Variants in RBFOX3 observed in about 807,000 individuals in gnomAD.
RBFOX3 encodes the protein RNA binding fox-1 homolog 3, also known as RNA binding protein fox-1 homolog 3.
Under a neutral mutation model 48.7 loss-of-function variants are expected in RBFOX3, and 17 were observed. That is an observed-to-expected ratio of 0.35 (90% CI 0.24 to 0.52). The LOEUF (loss-of-function observed/expected upper bound fraction) is 0.52, where lower values mean the gene tolerates loss of function less well. RBFOX3 is among the 20% of genes least tolerant of loss of function. RBFOX3 has a pLI of 0.94. For missense variants in RBFOX3, 382 were observed against 497.5 expected (o/e 0.77, Z 2.21); for synonymous variants, 212 against 209.5 (o/e 1.01, Z -0.10).
intron 1 of RBFOX3, among the ~76,000 whole-genome samples, chr17:79,592,674 G>C (rs2093456505): frequency 6.6e-6 from 1 of 152,058 alleles, no homozygotes; most frequent in African/African-American, 2.4e-5. Context: ...GCCCAGGACT[G>C]CGGGCTCAGG....
intron 4 of RBFOX3, among the ~76,000 whole-genome samples, chr17:79,151,117 C>A (rs979283158): frequency 1.3e-5 from 2 of 152,114 alleles, no homozygotes; most frequent in East Asian, 1.9e-4. Context: ...CAGCTCTTGG[C>A]GCAGATTCTG....
At chr17:79,239,134 C>T (rs556273444) in intron 3 of RBFOX3, among the ~76,000 whole-genome samples, 6 of 152,292 alleles carry the variant, frequency 3.9e-5, no homozygotes, top group African/African-American at 1.4e-4. Context: ...GATGGTGCCT[C>T]GCTTCGTGTT....
At chr17:79,380,271 G>T (rs995029164) in intron 2 of RBFOX3, among the ~76,000 whole-genome samples, 1 of 152,224 alleles carries the variant, frequency 6.6e-6, no homozygotes, top group Non-Finnish European at 1.5e-5. Flanking sequence ...TTAATTGCAT[G>T]TCAAAATTAA....
At chr17:79,632,736 T>G in the RBFOX3 span, among the ~76,000 whole-genome samples, 2 of 110,342 alleles carry the variant, frequency 1.8e-5, no homozygotes, top group East Asian at 2.6e-4. Context: ...AGACCACGTA[T>G]CTACTAAAAA....
Position 79,139,529 on chromosome 17 carries a change from C to T in RBFOX3, c.-33-23781G>A, listed in dbSNP as rs2125962. On this transcript the variant is annotated intron_variant, in intron 4 of 14. Transcript: ENST00000693108. ...AAAGCATTCATCTTCTCCTGCTGAC[C>T]GGGATGTGGGCTCCTTCCCCGTGAG... Among the ~76,000 whole-genome samples, 4,627 of 152,314 alleles carry T rather than the reference C, an allele frequency of 0.03. 422 individuals carry two copies. The East Asian group carries it at 0.36, about 12-fold the overall frequency.
At chr17:79,570,880 T>TA (rs1177718567) in intron 1 of RBFOX3, among the ~76,000 whole-genome samples, 6 of 152,172 alleles carry the variant, frequency 3.9e-5, no homozygotes, top group African/African-American at 7.2e-5. Context: ...GGGTTGCTTT[T>TA]AAAAAATAGA....
At chr17:79,209,946 G>A (rs1196188116) in intron 4 of RBFOX3, among the ~76,000 whole-genome samples, 5 of 146,388 alleles carry the variant, frequency 3.4e-5, no homozygotes, top group Admixed American at 2.8e-4. Flanking sequence ...GCAGTGAGCC[G>A]AGATCACGCC....
chr17:79,216,342 G>C (rs191273870), intron 4 of RBFOX3, among the ~76,000 whole-genome samples: 1 of 152,230 alleles, frequency 6.6e-6, no homozygotes, highest in Non-Finnish European at 1.5e-5. Flanking sequence ...CCCACCTGAC[G>C]GAAGAAGGTG....
the RBFOX3 span, among the ~76,000 whole-genome samples, chr17:79,643,929 T>C: frequency 7.9e-5 from 12 of 151,830 alleles, no homozygotes; most frequent in Non-Finnish European, 1.5e-4. Context: ...TAGCAGAAAT[T>C]GAGTAAATGG....
intron 2 of RBFOX3, among the ~76,000 whole-genome samples, chr17:79,353,245 C>G (rs1024146431): frequency 6.6e-6 from 1 of 152,200 alleles, no homozygotes; most frequent in Non-Finnish European, 1.5e-5. Context: ...TGAGTCCCTG[C>G]TGAAGTCTCC....
chr17:79,301,861 C>A (rs1231419570), intron 3 of RBFOX3, among the ~76,000 whole-genome samples: 1 of 152,174 alleles, frequency 6.6e-6, no homozygotes, highest in African/African-American at 2.4e-5. Context: ...CTCAAAGGGA[C>A]AAATACTGTG....
chr17:79,337,145 T>C (rs891115292), intron 2 of RBFOX3, among the ~76,000 whole-genome samples: 3 of 152,012 alleles, frequency 2.0e-5, no homozygotes, highest in African/African-American at 7.2e-5. Context: ...AGTGCTCTTA[T>C]TTCGATAGTC....
intron 1 of RBFOX3, among the ~76,000 whole-genome samples, chr17:79,503,747 G>A (rs1454264838): frequency 2.6e-5 from 4 of 152,192 alleles, no homozygotes; most frequent in African/African-American, 7.2e-5. Context: ...AAGAGAAGCC[G>A]GTTCCCAGGA....
At chr17:79,173,036 C>T (rs983907675) in intron 4 of RBFOX3, among the ~76,000 whole-genome samples, 1 of 152,118 alleles carries the variant, frequency 6.6e-6, no homozygotes, top group Non-Finnish European at 1.5e-5. Flanking sequence ...TGGTGAAACC[C>T]CATCTCTACT....
intron 1 of RBFOX3, among the ~76,000 whole-genome samples, chr17:79,536,971 G>A (rs2088883331): frequency 6.6e-6 from 1 of 152,118 alleles, no homozygotes; most frequent in South Asian, 2.1e-4. Context: ...TGTAATCCCA[G>A]CTACTTGGGA....
chr17:79,165,525 A>G (rs1453702403), intron 4 of RBFOX3, among the ~76,000 whole-genome samples: 5 of 152,278 alleles, frequency 3.3e-5, no homozygotes, highest in African/African-American at 1.2e-4. Flanking sequence ...GCAGGTGCAC[A>G]TCCCGATTCC....
chr17:79,218,630 G>A (rs1040675988), intron 4 of RBFOX3, among the ~76,000 whole-genome samples: 5 of 152,174 alleles, frequency 3.3e-5, no homozygotes, highest in Non-Finnish European at 7.4e-5. Context: ...GGGCTCCTAG[G>A]CCGGCTCACA....
At chr17:79,639,161 A>AT in the RBFOX3 span, among the ~76,000 whole-genome samples, 1 of 151,808 alleles carries the variant, frequency 6.6e-6, no homozygotes, top group Non-Finnish European at 1.5e-5. Context: ...AATTTTATTT[A>AT]TTTTTTTATT....
At chr17:79,620,086 C>T in the RBFOX3 span, among the ~76,000 whole-genome samples, 1 of 148,144 alleles carries the variant, frequency 6.8e-6, no homozygotes, top group East Asian at 2.0e-4. Context: ...TGCACACAAG[C>T]ACATGCACAC....
Sources: allele counts gnomAD v4.1 joint callset (sites outside exome capture counted in the v4.1 genomes callset), GRCh38; gene constraint gnomAD v4.1.1; transcripts MANE v1.5; gene names NCBI Gene and HGNC (gene_info 2026-07-23, HGNC 2026-07-21).